GNAI3: variants seen among roughly 807,000 people sequenced by gnomAD.
GNAI3 encodes G protein subunit alpha i3.
In GNAI3, 12 loss-of-function variants were observed where a neutral mutation model predicts 41.8. The observed-to-expected ratio is 0.29, with a 90% confidence interval of 0.18 to 0.47. The LOEUF is 0.47. Ranked by LOEUF, GNAI3 falls within the 20% of genes least tolerant of loss-of-function variation. The pLI is 1.00. For synonymous variants in GNAI3, 132 were observed against 146.5 expected, an observed-to-expected ratio of 0.90 and a Z score of 0.71; for missense variants, 360 against 429.6, an observed-to-expected ratio of 0.84 and a Z score of 1.43.
chr1:109,566,139 A>G (rs939835929), intron 1 of GNAI3, among the ~76,000 whole-genome samples: 3 of 152,188 alleles, frequency 2.0e-5, no homozygotes, highest in Non-Finnish European at 2.9e-5. Context: ...ACCAGGGTGG[A>G]AGTGATAACT....
chr1:109,588,748 C>T (rs1245477965), intron 7 of GNAI3, among the ~76,000 whole-genome samples: 2 of 151,738 alleles, frequency 1.3e-5, no homozygotes, highest in Non-Finnish European at 2.9e-5. Flanking sequence ...GAAAAATTAG[C>T]TGGGCATGGT....
At chr1:109,565,330 C>T (rs1039638391) in intron 1 of GNAI3, among the ~76,000 whole-genome samples, 1 of 151,956 alleles carries the variant, frequency 6.6e-6, no homozygotes, top group Non-Finnish European at 1.5e-5. Context: ...TTTATATACC[C>T]TTCTAGGTGT....
At chr1:109,559,022 C>T (rs1022764396) in intron 1 of GNAI3, among the ~76,000 whole-genome samples, 1 of 151,674 alleles carries the variant, frequency 6.6e-6, no homozygotes, top group Non-Finnish European at 1.5e-5. Flanking sequence ...ACTAAAAATA[C>T]AAAAAATTAG....
At chr1:109,563,057 C>T (rs913349667) in intron 1 of GNAI3, among the ~76,000 whole-genome samples, 2 of 152,054 alleles carry the variant, frequency 1.3e-5, no homozygotes, top group African/African-American at 4.8e-5. Flanking sequence ...TGGCTTTTTG[C>T]TGCCCTGCTT....
intron 1 of GNAI3, among the ~76,000 whole-genome samples, chr1:109,571,625 C>G (rs1054300297): frequency 6.6e-6 from 1 of 152,060 alleles, no homozygotes; most frequent in Non-Finnish European, 1.5e-5. Flanking sequence ...GTGTTTAAGC[C>G]ATGAGATTAG....
intron 1 of GNAI3, among the ~76,000 whole-genome samples, chr1:109,549,440 A>C (rs570531675): frequency 6.6e-6 from 1 of 152,336 alleles, no homozygotes; most frequent in African/African-American, 2.4e-5. Flanking sequence ...ATCAGGTATA[A>C]AGGAAAAGAG....
At chr1:109,581,590 T>C (rs561686647) in intron 4 of GNAI3, among the ~76,000 whole-genome samples, 225 of 152,288 alleles carry the variant, frequency 1.5e-3, no homozygotes, top group African/African-American at 5.1e-3. Context: ...TTCTGTAGAA[T>C]TAAACCTACT....
chr1:109,591,948 T>C, intron 7 of GNAI3, 95 bp from the exon 8 acceptor site: 2 of 647,808 alleles, frequency 3.1e-6, no homozygotes, highest in Non-Finnish European at 5.4e-6. Context: ...AATTGGGTTA[T>C]GTTCCCTCTC....
chr1:109,590,116 T>G (rs1283269714), intron 7 of GNAI3, among the ~76,000 whole-genome samples: 1 of 152,206 alleles, frequency 6.6e-6, no homozygotes, highest in Non-Finnish European at 1.5e-5. Flanking sequence ...TGAGATGTAG[T>G]TTAATCCTCA....
chr1:109,561,373 A>C (rs1043609005), intron 1 of GNAI3, among the ~76,000 whole-genome samples: 3 of 152,180 alleles, frequency 2.0e-5, no homozygotes, highest in African/African-American at 7.2e-5. Context: ...TAATGTTGAT[A>C]TCTTACATAG....
intron 1 of GNAI3, among the ~76,000 whole-genome samples, chr1:109,560,528 C>T (rs1284399726): frequency 3.9e-5 from 6 of 151,902 alleles, no homozygotes; most frequent in Middle Eastern, 3.4e-3. Context: ...AAGTTGAGGC[C>T]GGAGGACTAG....
chr1:109,579,778 A>G (rs188795472), intron 4 of GNAI3, among the ~76,000 whole-genome samples: 1 of 152,302 alleles, frequency 6.6e-6, no homozygotes, highest in East Asian at 1.9e-4. Flanking sequence ...GGGCCGCACT[A>G]TGGACTTCAC....
At chr1:109,560,456 A>G (rs1352979561) in intron 1 of GNAI3, among the ~76,000 whole-genome samples, 1 of 152,098 alleles carries the variant, frequency 6.6e-6, no homozygotes, top group East Asian at 1.9e-4. Flanking sequence ...TGATCAAAAC[A>G]TGCACTCTAT....
intron 1 of GNAI3, among the ~76,000 whole-genome samples, chr1:109,556,322 C>A: frequency 6.6e-6 from 1 of 152,088 alleles, no homozygotes. Flanking sequence ...AGATTATAGA[C>A]TGAGATTATA....
chr1:109,565,586 T>C (rs1386409523), intron 1 of GNAI3, among the ~76,000 whole-genome samples: 1 of 152,204 alleles, frequency 6.6e-6, no homozygotes, highest in African/African-American at 2.4e-5. Context: ...ATTAATGTTA[T>C]TAAGCAACCA....
At chr1:109,575,357 G>A (rs1648708385) in intron 3 of GNAI3, among the ~76,000 whole-genome samples, 1 of 151,042 alleles carries the variant, frequency 6.6e-6, no homozygotes, top group African/African-American at 2.4e-5. Flanking sequence ...CTTCTCTGTT[G>A]TATTTGTTGT....
At chr1:109,554,645 C>T (rs1036034798) in intron 1 of GNAI3, among the ~76,000 whole-genome samples, 2 of 152,146 alleles carry the variant, frequency 1.3e-5, no homozygotes, top group East Asian at 3.8e-4. Flanking sequence ...TGAAGATTTT[C>T]TCCCACTCTG....
chr1:109,578,926 G>A (rs999180468), intron 3 of GNAI3, among the ~76,000 whole-genome samples: 4 of 152,026 alleles, frequency 2.6e-5, no homozygotes, highest in African/African-American at 7.3e-5. Context: ...GAGATTTGTG[G>A]GCTGGCCAGA....
chr1:109,560,945 G>A (rs544574685), intron 1 of GNAI3, among the ~76,000 whole-genome samples: 1 of 152,254 alleles, frequency 6.6e-6, no homozygotes, highest in East Asian at 1.9e-4. Flanking sequence ...ATCTTTAACA[G>A]AACATTTTCT....
Sources: allele counts gnomAD v4.1 joint callset (sites outside exome capture counted in the v4.1 genomes callset), GRCh38; gene constraint gnomAD v4.1.1; transcripts MANE v1.5; gene names NCBI Gene and HGNC (gene_info 2026-07-23, HGNC 2026-07-21).